The following APOL5 variants were observed in gnomAD, a reference collection of about 807,000 sequenced individuals.
The protein encoded by APOL5 is apolipoprotein L, 5.
Under a neutral mutation model 35.5 loss-of-function variants are expected in APOL5, and 29 were observed. The ratio of observed to expected loss-of-function variants is 0.82; its 90% CI spans 0.61 to 1.11. The LOEUF (loss-of-function observed/expected upper bound fraction) is 1.11, where lower values mean the gene tolerates loss of function less well. APOL5 is among the 50% of genes most tolerant of loss of function. The probability of loss-of-function intolerance (pLI) is 0.00; values close to 1 mark genes in which losing one functional copy is unlikely to be tolerated. For missense variants in APOL5, 514 were observed against 530.4 expected (o/e 0.97, Z 0.30); for synonymous variants, 188 against 200.2 (o/e 0.94, Z 0.51).
At chr22:35,726,185 T>G (rs764196105) in intron 2 of APOL5, 26 bp from the exon 3 acceptor site, 1 of 1,592,620 alleles carries the variant, frequency 6.3e-7, no homozygotes, top group Admixed American at 1.7e-5. Context: ...CACATTTTAG[T>G]GCTCAGATTG....
At chr22:35,714,226 C>T (rs930410817), upstream of APOL5, among the ~76,000 whole-genome samples, 2 of 152,140 alleles carry the variant, frequency 1.3e-5, no homozygotes, top group African/African-American at 2.4e-5. Context: ...GCAGGAGAAT[C>T]GCTTGAACCT....
rs142921839 is a variant in APOL5 at position 35,726,318 on chromosome 22, C to T, written c.250C>T (p.Arg84Ter). Reference protein sequence around the residue: ...LSYFLFEELMRCDKDSMPDGN... With the variant: ...LSYFLFEELM Reference sequence around the variant, plus strand: ...CTACTTTCTGTTTGAAGAGCTGATGCGATGTGACAAAGATTCCATGCCAGA... The same window carrying T: ...CTACTTTCTGTTTGAAGAGCTGATGTGATGTGACAAAGATTCCATGCCAGA... The change falls in exon 3 of 5, where the codon CGA (arginine) becomes TGA (stop). Residue 84 changes from arginine (R) to a stop codon, truncating the protein, a stop_gained. Coordinates refer to ENST00000249044, the MANE Select transcript of APOL5 (RefSeq NM_030642.1). LOFTEE classifies it high-confidence loss of function. 563 of 1,614,090 alleles carry T rather than the reference C, an allele frequency of 3.5e-4. 2 individuals carry two copies. The African/African-American group carries it at 4.0e-3, about 12-fold the overall frequency.
At chr22:35,728,416 G>A (rs1601901278) in intron 3 of APOL5, among the ~76,000 whole-genome samples, 2 of 152,220 alleles carry the variant, frequency 1.3e-5, no homozygotes, top group East Asian at 1.9e-4. Context: ...GTAGAGACAG[G>A]GTTTCACCGT....
At chr22:35,709,769 T>C in the APOL5 span, among the ~76,000 whole-genome samples, 5 of 152,298 alleles carry the variant, frequency 3.3e-5, no homozygotes, top group South Asian at 1.0e-3. Context: ...ATCCCTGTCT[T>C]CTATATCTTT....
At position 35,726,894 on chromosome 22, in the gene APOL5, G is replaced by T. The variant is rs1301777248; in HGVS notation, c.826G>T (p.Val276Leu). ...RHIPFWTARGVQRAFEGTTLA... is the reference protein window; with the variant it reads ...RHIPFWTARGLQRAFEGTTLA... ...CATCCCTTTCTGGACGGCTAGAGGG[G>T]TGCAGAGAGCCTTTGAGGGCACAAC... Residue 276 changes from valine to leucine, a missense_variant, in exon 3 of 5, where the codon GTG becomes TTG. Transcript: ENST00000249044. The T allele has an allele frequency of 1.2e-6, 2 of 1,614,096 alleles. No individual in the cohort carries two copies. The highest frequency in any genetic ancestry group is 1.7e-6 in the Non-Finnish European group (2 of 1,180,042).
At chr22:35,710,113 CTTTTTTTTT>C in the APOL5 span, among the ~76,000 whole-genome samples, 29 of 86,712 alleles carry the variant, frequency 3.3e-4, no homozygotes, top group African/African-American at 1.2e-3. Context: ...CTTTCTTTCT[CTTTTTTTTT>C]TTTTTTTTTT....
At position 35,717,892 on chromosome 22, in the gene APOL5, A is replaced by G; in HGVS notation, c.21A>G (p.Gly7=). The G allele has an allele frequency of 6.3e-7, 1 of 1,588,630 alleles. No homozygotes were observed. Among genetic ancestry groups the G allele is most frequent in the African/African-American group, 1.3e-5 (1 of 74,342 alleles). Residue 7 remains glycine (G), a synonymous_variant, in exon 1 of 5, where the codon GGA becomes GGG. Transcript: ENST00000249044. The part of the protein sequence containing the change: MPCGKQ[G]NLQVPGSKVL... ...AAAGCATGCCATGTGGCAAACAAGGAAATTTGCAAGTTCCCGGTTCCAAGG... is the reference window on the plus strand; with the variant it reads ...AAAGCATGCCATGTGGCAAACAAGGGAATTTGCAAGTTCCCGGTTCCAAGG...
intron 1 of APOL5, among the ~76,000 whole-genome samples, chr22:35,718,651 A>G (rs1926850574): frequency 6.6e-6 from 1 of 152,068 alleles, no homozygotes; most frequent in African/African-American, 2.4e-5. Context: ...GAGTGTTTCT[A>G]TAAACATGAC....
chr22:35,720,503 C>T (rs1926930337), intron 1 of APOL5, 65 bp from the exon 2 acceptor site: 5 of 1,450,184 alleles, frequency 3.4e-6, no homozygotes, highest in Non-Finnish European at 3.9e-6. Flanking sequence ...TCCCGGAGCA[C>T]TGTTATGTCT....
chr22:35,724,836 C>A (rs897259140), intron 2 of APOL5, among the ~76,000 whole-genome samples: 1 of 152,128 alleles, frequency 6.6e-6, no homozygotes, highest in Non-Finnish European at 1.5e-5. Flanking sequence ...GTCTTGACCT[C>A]CTGACCTCAG....
chr22:35,716,324 G>C (rs1440370016), upstream of APOL5, among the ~76,000 whole-genome samples: 2 of 152,228 alleles, frequency 1.3e-5, no homozygotes, highest in African/African-American at 2.4e-5. Context: ...CCAGGCTGAA[G>C]TGCAGTGGTG....
At chr22:35,717,235 A>ATATATATATATATAT (rs1555930035), upstream of APOL5, among the ~76,000 whole-genome samples, 5 of 57,662 alleles carry the variant, frequency 8.7e-5, no homozygotes, top group African/African-American at 4.0e-4. Flanking sequence ...AAAAAAAAAA[A>ATATATATATATATAT]ATATATATAT....
upstream of APOL5, among the ~76,000 whole-genome samples, chr22:35,713,747 C>T (rs1341414171): frequency 6.6e-6 from 1 of 152,190 alleles, no homozygotes; most frequent in African/African-American, 2.4e-5. Flanking sequence ...AGGTAATCCT[C>T]TCCTGTTCAG....
At position 35,729,429 on chromosome 22, in the gene APOL5, AG is replaced by A. The variant is rs1373474478; in HGVS notation, c.*85del. On this transcript the variant is annotated 3_prime_UTR_variant, in exon 5 of 5. Coordinates refer to ENST00000249044, the MANE Select transcript of APOL5 (RefSeq NM_030642.1). ...GTCTTCCCTGAAGAATACTGGGGGT[AG>A]GGAAACTTCTAGTGGCAATGATAAA... 3 of 152,284 alleles carry A rather than the reference AG, an allele frequency of 2.0e-5. No individual in the cohort carries two copies. Among genetic ancestry groups the A allele is most frequent in the African/African-American group, 7.2e-5 (3 of 41,406 alleles). The allele number at this position is 152,284 out of a possible 1,614,324, so 9.4% of individuals were successfully genotyped here. A position where few individuals can be genotyped will look rare whatever the true frequency, so the allele number is the denominator to read the frequency against.
upstream of APOL5, among the ~76,000 whole-genome samples, chr22:35,713,937 G>A (rs935520954): frequency 4.1e-4 from 63 of 152,124 alleles, no homozygotes; most frequent in African/African-American, 1.4e-3. Context: ...TACAATTAGA[G>A]ACCTCTCATC....
At chr22:35,725,086 A>G (rs1339566116) in intron 2 of APOL5, among the ~76,000 whole-genome samples, 1 of 152,134 alleles carries the variant, frequency 6.6e-6, no homozygotes, top group African/African-American at 2.4e-5. Context: ...TCTGCTGCCC[A>G]CATTGTAATA....
intron 2 of APOL5, among the ~76,000 whole-genome samples, chr22:35,721,392 A>G (rs1291071546): frequency 6.6e-6 from 1 of 152,016 alleles, no homozygotes; most frequent in Non-Finnish European, 1.5e-5. Flanking sequence ...AAAATACAGA[A>G]ATTAGCTAGG....
At chr22:35,713,665 T>C (rs1926656434), upstream of APOL5, among the ~76,000 whole-genome samples, 1 of 152,226 alleles carries the variant, frequency 6.6e-6, no homozygotes, top group Non-Finnish European at 1.5e-5. Flanking sequence ...GGATCCATTG[T>C]CATCTGCAGA....
chr22:35,724,665 A>G (rs1421674253), intron 2 of APOL5, among the ~76,000 whole-genome samples: 2 of 151,868 alleles, frequency 1.3e-5, no homozygotes, highest in Admixed American at 6.6e-5. Flanking sequence ...CTGGAGTGCT[A>G]TGGCGCGATC....
Sources: allele counts gnomAD v4.1 joint callset (sites outside exome capture counted in the v4.1 genomes callset), GRCh38; gene constraint gnomAD v4.1.1; transcripts MANE v1.5; gene names NCBI Gene and HGNC (gene_info 2026-07-23, HGNC 2026-07-21).